The following RAD51B variants were observed in gnomAD, a reference collection of about 807,000 sequenced individuals.
RAD51B encodes the protein RAD51 paralog B, also known as DNA repair protein RAD51 homolog 2.
Under a neutral mutation model 42.2 loss-of-function variants are expected in RAD51B, and 38 were observed. The observed-to-expected ratio is 0.90, with a 90% CI of 0.70 to 1.18. The LOEUF (loss-of-function observed/expected upper bound fraction) is 1.18. RAD51B is among the 50% of genes most tolerant of loss of function. The probability of loss-of-function intolerance (pLI) is 0.00; values close to 1 mark genes in which losing one functional copy is unlikely to be tolerated. For synonymous variants in RAD51B, 154 were observed against 145.2 expected, an observed-to-expected ratio of 1.06 and a Z score of -0.43; for missense variants, 373 against 400.7, an observed-to-expected ratio of 0.93 and a Z score of 0.59.
chr14:68,610,373 C>T (rs1430283572), intron 10 of RAD51B, among the ~76,000 whole-genome samples: 1 of 152,230 alleles, frequency 6.6e-6, no homozygotes, highest in Non-Finnish European at 1.5e-5. Flanking sequence ...GACCTTACCT[C>T]TCAGCCTTTG....
intron 1 of RAD51B, among the ~76,000 whole-genome samples, chr14:67,820,892 CTG>C (rs2040604950): frequency 6.6e-6 from 1 of 152,088 alleles, no homozygotes; most frequent in East Asian, 1.9e-4. Flanking sequence ...AATTAAGACA[CTG>C]AGAGGTGAAG....
At chr14:68,232,586 A>G (rs2140985192) in intron 7 of RAD51B, among the ~76,000 whole-genome samples, 1 of 152,360 alleles carries the variant, frequency 6.6e-6, no homozygotes, top group Admixed American at 6.5e-5. Flanking sequence ...TTTCTGAGCC[A>G]GTTCCAAAGT....
At chr14:68,159,709 A>G (rs1199495119) in intron 7 of RAD51B, among the ~76,000 whole-genome samples, 1 of 152,032 alleles carries the variant, frequency 6.6e-6, no homozygotes, top group Non-Finnish European at 1.5e-5. Flanking sequence ...TCTATTTCCA[A>G]TGCTTTCTAA....
intron 10 of RAD51B, among the ~76,000 whole-genome samples, chr14:68,500,252 A>G (rs181343545): frequency 2.0e-5 from 3 of 152,340 alleles, no homozygotes; most frequent in East Asian, 3.9e-4. Flanking sequence ...TGTGCTAAGT[A>G]TGTCACATAC....
intron 10 of RAD51B, among the ~76,000 whole-genome samples, chr14:68,515,409 C>CAA (rs1875560254): frequency 2.0e-5 from 3 of 149,968 alleles, no homozygotes; most frequent in Admixed American, 2.0e-4. Context: ...ACATATGGAC[C>CAA]AATAATTTCT....
chr14:68,044,405 C>T (rs752659487), intron 7 of RAD51B, among the ~76,000 whole-genome samples: 1 of 152,074 alleles, frequency 6.6e-6, no homozygotes, highest in Admixed American at 6.5e-5. Flanking sequence ...TTTCTTTTCT[C>T]TCTTGTTCCC....
At chr14:68,150,756 G>C (rs1453830077) in intron 7 of RAD51B, among the ~76,000 whole-genome samples, 1 of 152,042 alleles carries the variant, frequency 6.6e-6, no homozygotes, top group Non-Finnish European at 1.5e-5. Flanking sequence ...TTATTTTAGT[G>C]ATGGCCATAG....
intron 9 of RAD51B, among the ~76,000 whole-genome samples, chr14:68,465,679 C>A (rs919889591): frequency 5.9e-5 from 9 of 152,118 alleles, no homozygotes; most frequent in African/African-American, 1.9e-4. Flanking sequence ...TGGTGGCTCA[C>A]ACCTGTAATC....
intron 10 of RAD51B, among the ~76,000 whole-genome samples, chr14:68,592,837 A>G (rs559808382): frequency 6.6e-6 from 1 of 152,366 alleles, no homozygotes; most frequent in East Asian, 1.9e-4. Context: ...ATGTGTGTGC[A>G]GGGCACCGTG....
intron 7 of RAD51B, among the ~76,000 whole-genome samples, chr14:68,058,599 C>T (rs766133144): frequency 6.6e-6 from 1 of 152,106 alleles, no homozygotes; most frequent in Non-Finnish European, 1.5e-5. Context: ...AAATCTGACT[C>T]ATTTTTTAAG....
At chr14:68,228,230 C>G (rs1177781049) in intron 7 of RAD51B, among the ~76,000 whole-genome samples, 1 of 152,160 alleles carries the variant, frequency 6.6e-6, no homozygotes, top group Non-Finnish European at 1.5e-5. Context: ...AAGGACAAGG[C>G]ATCTTACCTC....
intron 11 of RAD51B, among the ~76,000 whole-genome samples, chr14:68,665,157 T>C (rs781675074): frequency 1.3e-5 from 2 of 152,274 alleles, no homozygotes; most frequent in African/African-American, 2.4e-5. Flanking sequence ...AAGGCTTTTG[T>C]TGGCAAGACA....
At chr14:68,189,319 TA>T (rs2079217542) in intron 7 of RAD51B, among the ~76,000 whole-genome samples, 4 of 152,118 alleles carry the variant, frequency 2.6e-5, no homozygotes, top group Admixed American at 2.6e-4. Flanking sequence ...GACCACTACA[TA>T]ATTTCCTCAG....
chr14:68,316,498 T>G (rs571696092), intron 8 of RAD51B, among the ~76,000 whole-genome samples: 1 of 152,328 alleles, frequency 6.6e-6, no homozygotes, highest in Admixed American at 6.5e-5. Flanking sequence ...CAACATTAGG[T>G]AGAAGAAATG....
intron 10 of RAD51B, among the ~76,000 whole-genome samples, chr14:68,575,294 A>G (rs1403671749): frequency 6.6e-6 from 1 of 152,190 alleles, no homozygotes; most frequent in African/African-American, 2.4e-5. Context: ...CCAAGTTCTC[A>G]TAGCTTCTAA....
At chr14:68,606,364 A>G (rs559488875) in intron 10 of RAD51B, among the ~76,000 whole-genome samples, 177 of 152,240 alleles carry the variant, frequency 1.2e-3, no homozygotes, top group Non-Finnish European at 2.3e-3. Flanking sequence ...GAGCAAACAC[A>G]TACTCTGCAG....
At chr14:68,498,469 G>T (rs1884699571) in intron 10 of RAD51B, among the ~76,000 whole-genome samples, 1 of 152,144 alleles carries the variant, frequency 6.6e-6, no homozygotes, top group South Asian at 2.1e-4. Context: ...TAGGGTTACG[G>T]TGACTTTCCT....
intron 3 of RAD51B, among the ~76,000 whole-genome samples, chr14:67,828,546 C>G (rs537286916): frequency 6.6e-6 from 1 of 152,026 alleles, no homozygotes; most frequent in African/African-American, 2.4e-5. Context: ...GTCATGATAT[C>G]TTTGCTTGTG....
chr14:67,951,516 A>C (rs1283141729), intron 7 of RAD51B, among the ~76,000 whole-genome samples: 3 of 152,212 alleles, frequency 2.0e-5, no homozygotes, highest in Non-Finnish European at 4.4e-5. Flanking sequence ...AAAAGGCTTA[A>C]GCAGAAGAGT....
Sources: gnomAD v4.1 joint callset for allele counts (sites outside exome capture counted in the v4.1 genomes callset) on GRCh38, gnomAD v4.1.1 for gene constraint, MANE v1.5 for transcripts, NCBI Gene and HGNC (gene_info 2026-07-23, HGNC 2026-07-21) for gene names.